GLDC: variants seen among roughly 807,000 people sequenced by gnomAD.
GLDC encodes glycine decarboxylase.
GLDC carries 104 observed loss-of-function variants against 121.3 expected under a neutral mutation model. The observed-to-expected ratio is 0.86, with a 90% CI of 0.73 to 1.01. The LOEUF (loss-of-function observed/expected upper bound fraction) is 1.01. GLDC is among the 50% of genes least tolerant of loss of function. The probability of loss-of-function intolerance (pLI) is 0.00; values close to 1 mark genes in which losing one functional copy is unlikely to be tolerated. For missense variants in GLDC, 1,429 were observed against 1,306.6 expected (o/e 1.09, Z -1.44); for synonymous variants, 546 against 480.6 (o/e 1.14, Z -1.78).
intron 15 of GLDC, among the ~76,000 whole-genome samples, chr9:6,577,828 C>T (rs1338007047): frequency 6.6e-6 from 1 of 151,332 alleles, no homozygotes; most frequent in Non-Finnish European, 1.5e-5. Context: ...TTTTTTTGCT[C>T]GAATCCTGAT....
At chr9:6,644,931 G>A (rs1052062436) in intron 1 of GLDC, 6 of 617,422 alleles carry the variant, frequency 9.7e-6, no homozygotes, top group African/African-American at 7.4e-5. Context: ...TAACCGGTAA[G>A]CCCACTCTTA....
At chr9:6,634,005 T>C (rs1247946904) in intron 2 of GLDC, among the ~76,000 whole-genome samples, 1 of 151,744 alleles carries the variant, frequency 6.6e-6, no homozygotes, top group African/African-American at 2.4e-5. Context: ...AATTTTTTTG[T>C]ATTTTTAGTA....
intron 15 of GLDC, chr9:6,567,231 C>A (rs942134298): frequency 6.6e-6 from 1 of 152,248 alleles, no homozygotes; most frequent in South Asian, 2.1e-4. Flanking sequence ...CTGCAGCTAT[C>A]TCCGCTCTCT....
At chr9:6,637,384 G>A (rs1032353350) in intron 2 of GLDC, among the ~76,000 whole-genome samples, 8 of 150,260 alleles carry the variant, frequency 5.3e-5, no homozygotes, top group African/African-American at 2.0e-4. Flanking sequence ...AAACCTGGGG[G>A]ATAAGAGCGA....
chr9:6,600,965 G>C (rs968016991), intron 8 of GLDC, among the ~76,000 whole-genome samples: 1 of 152,120 alleles, frequency 6.6e-6, no homozygotes, highest in Non-Finnish European at 1.5e-5. Flanking sequence ...ATGAGGTCAG[G>C]AGTTCAAGAC....
rs78880284 is a variant in GLDC at position 6,602,818 on chromosome 9, A to C, written c.1059-613T>G. Among the ~76,000 whole-genome samples, 231 of 152,366 alleles carry C rather than the reference A, an allele frequency of 1.5e-3. 7 individuals are homozygous for C. The East Asian group carries it at 0.044, about 29-fold the overall frequency. On this transcript the variant is annotated intron_variant, in intron 7 of 24. Coordinates refer to ENST00000321612, the MANE Select transcript of GLDC (RefSeq NM_000170.3). ...CTTAGGAGACACAGGAAAAGTGGAA[A>C]TATACGACAAAATTGAAAAGACTTG...
intron 1 of GLDC, 107 bp downstream of exon 1, chr9:6,645,138 G>T (rs1309827351): frequency 3.4e-6 from 4 of 1,169,630 alleles, no homozygotes; most frequent in Non-Finnish European, 4.7e-6. Context: ...AGGGTGCGGG[G>T]ACCACGCGGA....
At chr9:6,615,928 T>A (rs1223243104) in intron 3 of GLDC, among the ~76,000 whole-genome samples, 1 of 151,456 alleles carries the variant, frequency 6.6e-6, no homozygotes, top group African/African-American at 2.4e-5. Flanking sequence ...AGGATTTTCT[T>A]TTCTGTTGTT....
rs544247657 is a variant in GLDC at position 6,605,043 on chromosome 9, G to A, written c.861+88C>T. On this transcript the variant is annotated intron_variant, in intron 6 of 24. Transcript: ENST00000321612. Reference sequence around the variant, plus strand: ...ATGTGATAATGGTAAAGAAATTAAGGCACATGAAAAGACAGAGAGAGAGAT... The same window carrying A: ...ATGTGATAATGGTAAAGAAATTAAGACACATGAAAAGACAGAGAGAGAGAT... The A allele has an allele frequency of 9.6e-6, 12 of 1,249,072 alleles. No homozygotes were observed. In the East Asian group the frequency reaches 2.8e-4, roughly 29 times the overall value. 77.4% of individuals were successfully genotyped at this position (1,249,072 alleles called of 1,614,324 possible).
At position 6,606,577 on chromosome 9, in the gene GLDC, A is replaced by C; in HGVS notation, c.713+15T>G. The C allele has an allele frequency of 6.8e-7, 1 of 1,466,116 alleles. No individual in the cohort carries two copies. The highest frequency in any genetic ancestry group is 9.6e-7 in the Non-Finnish European group (1 of 1,045,234). The allele number at this position is 1,466,116 out of a possible 1,614,324, so 90.8% of individuals were successfully genotyped here. On this transcript the variant is annotated intron_variant, in intron 5 of 24. Coordinates refer to ENST00000321612, the MANE Select transcript of GLDC (RefSeq NM_000170.3). The stretch of plus-strand genomic sequence containing the variant: ...GACATTATACTGAGTTTAAAACACG[A>C]ATCAAATTAATTACTTGGCTCGAGT...
intron 2 of GLDC, among the ~76,000 whole-genome samples, chr9:6,644,029 C>CAAAAAAAAAAAAAAAAAAA (rs531081758): frequency 5.5e-5 from 1 of 18,336 alleles, no homozygotes; most frequent in Non-Finnish European, 9.8e-5. Flanking sequence ...GATTCTGTCT[C>CAAAAAAAAAAAAAAAAAAA]AAAAAAAAAA....
At chr9:6,554,008 G>C (rs1587922718) in intron 19 of GLDC, among the ~76,000 whole-genome samples, 1 of 151,846 alleles carries the variant, frequency 6.6e-6, no homozygotes, top group East Asian at 1.9e-4. Flanking sequence ...AAACAAGAAA[G>C]AAGAAAAAAG....
rs551943285 is a variant in GLDC, at chr9:6,617,878, G to A, written c.470+2306C>T. Among the ~76,000 whole-genome samples the A allele has an allele frequency of 3.3e-5, 5 of 152,270 alleles. No individual in the cohort carries two copies. In the South Asian group the frequency reaches 1.0e-3, roughly 32 times the overall value. ...CTTGGGTATTTCAAAAGCTCCTGTT[G>A]GTACAACTTATGATTTCCCACTTAG... On this transcript the variant is annotated intron_variant, in intron 3 of 24. Coordinates refer to ENST00000321612, the MANE Select transcript of GLDC (RefSeq NM_000170.3).
rs1817228340 is a variant in GLDC at position 6,540,306 on chromosome 9, AG to A, written c.2570-161del. 1.4e-5 allele frequency: 9 copies of A among 658,810 alleles called. No homozygotes were observed. In the Admixed American group the frequency reaches 1.6e-4, roughly 12 times the overall value. The allele number at this position is 658,810 out of a possible 1,614,324, so 40.8% of individuals were successfully genotyped here. On this transcript the variant is annotated intron_variant, in intron 21 of 24. Transcript: ENST00000321612. ...CGGGTAAGTTTATTATTGGCAATAA[AG>A]GTTTCATTTAGTCTTATTACAAATA...
At chr9:6,604,446 G>C (rs1818688615) in intron 7 of GLDC, 142 bp downstream of exon 7, 5 of 814,686 alleles carry the variant, frequency 6.1e-6, no homozygotes, top group Non-Finnish European at 1.0e-5. Context: ...AAACAGAATT[G>C]TTCTTCTGAA....
intron 2 of GLDC, among the ~76,000 whole-genome samples, chr9:6,625,151 T>G (rs1048314947): frequency 2.6e-5 from 4 of 152,176 alleles, no homozygotes; most frequent in African/African-American, 9.7e-5. Flanking sequence ...GCTATGGTTC[T>G]GGGATATGTT....
rs368952899 is a variant in GLDC at position 6,593,036 on chromosome 9, TC to T, written c.1262-47del. 4.1e-5 allele frequency: 65 copies of T among 1,598,828 alleles called. No individual in the cohort carries two copies. In the African/African-American group the frequency reaches 6.3e-4, roughly 15 times the overall value. On this transcript the variant is annotated intron_variant, in intron 9 of 24. Transcript: ENST00000321612. ...CCCAAACTCTCATATAGAAACCTGC[TC>T]CTCAGCCATTGACATGTCACAGAAT...
intron 21 of GLDC, among the ~76,000 whole-genome samples, chr9:6,548,149 C>G (rs928056565): frequency 6.6e-6 from 1 of 152,006 alleles, no homozygotes; most frequent in East Asian, 1.9e-4. Flanking sequence ...GTAGTATGAT[C>G]AATTGTACAA....
At chr9:6,587,481 A>C (rs1192230130) in intron 14 of GLDC, among the ~76,000 whole-genome samples, 198 bp from the exon 15 acceptor site, 1 of 152,228 alleles carries the variant, frequency 6.6e-6, no homozygotes, top group African/African-American at 2.4e-5. Context: ...AAAGTGGGAC[A>C]TAGTTGTCCA....
Sources: gnomAD v4.1 joint callset for allele counts (sites outside exome capture counted in the v4.1 genomes callset) on GRCh38, gnomAD v4.1.1 for gene constraint, MANE v1.5 for transcripts, NCBI Gene and HGNC (gene_info 2026-07-23, HGNC 2026-07-21) for gene names.